RPN2: variants seen among roughly 807,000 people sequenced by gnomAD.
RPN2 encodes dolichyl-diphosphooligosaccharide--protein glycosyltransferase subunit 2.
Under a neutral mutation model 71.4 loss-of-function variants are expected in RPN2, and 29 were observed. The observed-to-expected ratio is 0.41, with a 90% CI of 0.30 to 0.55. The LOEUF (loss-of-function observed/expected upper bound fraction) is 0.55, where lower values mean the gene tolerates loss of function less well. Ranked by LOEUF, RPN2 falls within the 20% of genes least tolerant of loss-of-function variation. RPN2 has a pLI of 0.35. For missense variants in RPN2, 726 were observed against 774.1 expected (o/e 0.94, Z 0.74); for synonymous variants, 308 against 305.0 (o/e 1.01, Z -0.10).
chr20:37,194,570 G>A (rs2099229989), intron 2 of RPN2, among the ~76,000 whole-genome samples: 1 of 152,238 alleles, frequency 6.6e-6, no homozygotes, highest in African/African-American at 2.4e-5. Context: ...CCAGGAAGTT[G>A]TATTTTAAAA....
intron 14 of RPN2, 91 bp downstream of exon 14, chr20:37,232,482 C>A: frequency 6.8e-7 from 1 of 1,475,824 alleles, no homozygotes; most frequent in Non-Finnish European, 9.4e-7. Context: ...TGTCTGGCCT[C>A]AGTAAAGCTC....
chr20:37,224,693 C>T (rs16986485), intron 10 of RPN2, among the ~76,000 whole-genome samples: 8,220 of 152,158 alleles, frequency 0.054, 719 homozygotes, highest in African/African-American at 0.19. Context: ...ATTGGCTCAG[C>T]GGGGATCTAG....
intron 9 of RPN2, among the ~76,000 whole-genome samples, chr20:37,221,660 G>A (rs372061426): frequency 2.6e-5 from 4 of 152,322 alleles, no homozygotes; most frequent in East Asian, 1.9e-4. Context: ...TAGAGAAATA[G>A]GGAATTACCT....
intron 2 of RPN2, among the ~76,000 whole-genome samples, chr20:37,186,525 G>A (rs1306182587): frequency 6.6e-6 from 1 of 152,098 alleles, no homozygotes; most frequent in African/African-American, 2.4e-5. Context: ...TGTTGCCTAG[G>A]CTGGTGTCAT....
intron 15 of RPN2, among the ~76,000 whole-genome samples, chr20:37,234,685 GTTT>G (rs113523661): frequency 6.9e-6 from 1 of 145,792 alleles, no homozygotes. Context: ...TTTGTTCGTT[GTTT>G]TTTTTTTTTT....
intron 1 of RPN2, among the ~76,000 whole-genome samples, chr20:37,181,100 G>T (rs1266500483): frequency 6.6e-6 from 1 of 152,002 alleles, no homozygotes; most frequent in South Asian, 2.1e-4. Flanking sequence ...ATGGTGGCAC[G>T]TGCCTGTAGT....
rs1287345314 is a variant in RPN2, at chr20:37,203,946, G to A, written c.541G>A (p.Val181Met). The part of the protein sequence containing the change: ...LSQQADLRSI[V>M]EEIEDLVARL... The stretch of plus-strand genomic sequence containing the variant: ...CCAGCAGGCTGACCTGAGGAGCATC[G>A]TGGAGGAGATTGAGGTGTGAATCTT... The change falls in exon 5 of 17, where the codon GTG becomes ATG. Residue 181 changes from valine to methionine, a missense_variant. By Grantham distance (21) the Val-to-Met change is conservative. Coordinates refer to ENST00000237530, the MANE Select transcript of RPN2 (RefSeq NM_002951.5). 9 of 1,613,288 alleles carry A rather than the reference G, an allele frequency of 5.6e-6. No individual in the cohort carries two copies. Among genetic ancestry groups the A allele is most frequent in the African/African-American group, 2.7e-5 (2 of 74,920 alleles).
At chr20:37,197,264 GT>G (rs2067275513) in intron 2 of RPN2, among the ~76,000 whole-genome samples, 1 of 152,178 alleles carries the variant, frequency 6.6e-6, no homozygotes, top group African/African-American at 2.4e-5. Flanking sequence ...CCACTGAAGG[GT>G]TTTAAAGGTA....
At chr20:37,200,936 C>T (rs959050350) in intron 4 of RPN2, among the ~76,000 whole-genome samples, 4 of 152,138 alleles carry the variant, frequency 2.6e-5, no homozygotes, top group African/African-American at 4.8e-5. Context: ...AACCCCAGAA[C>T]CCCAGGAAGA....
intron 9 of RPN2, among the ~76,000 whole-genome samples, chr20:37,218,545 T>TA (rs71187921): frequency 0.75 from 110,384 of 147,482 alleles, 41,373 homozygotes; most frequent in Middle Eastern, 0.85. Flanking sequence ...CCGTCTCTGC[T>TA]AAAAAAAAAA....
chr20:37,191,350 C>T (rs1019878594), intron 2 of RPN2, among the ~76,000 whole-genome samples: 1 of 150,936 alleles, frequency 6.6e-6, no homozygotes, highest in African/African-American at 2.4e-5. Flanking sequence ...GGTGGGCATG[C>T]CTGTAATCCC....
chr20:37,239,800 T>C (rs1310215282), intron 16 of RPN2, among the ~76,000 whole-genome samples: 1 of 152,134 alleles, frequency 6.6e-6, no homozygotes, highest in Non-Finnish European at 1.5e-5. Context: ...ACTCCCTGGC[T>C]ATGCCCGTTT....
intron 16 of RPN2, among the ~76,000 whole-genome samples, chr20:37,240,127 T>G (rs2068514423): frequency 6.6e-6 from 1 of 152,204 alleles, no homozygotes; most frequent in Non-Finnish European, 1.5e-5. Context: ...GGAAAGTCAC[T>G]TGATCATTTG....
chr20:37,197,106 C>T (rs1448969932), intron 2 of RPN2, among the ~76,000 whole-genome samples: 8 of 151,990 alleles, frequency 5.3e-5, no homozygotes, highest in South Asian at 2.1e-4. Flanking sequence ...ATGGCGAGAG[C>T]GTGGTATAGC....
chr20:37,236,888 G>T (rs1471501162), intron 16 of RPN2, among the ~76,000 whole-genome samples, 179 bp downstream of exon 16: 1 of 152,188 alleles, frequency 6.6e-6, no homozygotes, highest in Admixed American at 6.5e-5. Context: ...AGCCTTAGTG[G>T]TCAGCTTTGA....
chr20:37,220,539 C>A (rs1011454629), intron 9 of RPN2, among the ~76,000 whole-genome samples: 1 of 152,032 alleles, frequency 6.6e-6, no homozygotes, highest in African/African-American at 2.4e-5. Context: ...CATTTCCTGG[C>A]GTTAAAACAT....
At chr20:37,194,254 A>G (rs949131800) in intron 2 of RPN2, among the ~76,000 whole-genome samples, 1 of 72,426 alleles carries the variant, frequency 1.4e-5, no homozygotes, top group Non-Finnish European at 3.3e-5. Context: ...GGTTGAGGGA[A>G]ATTGTTGTTG....
chr20:37,223,635 CT>C (rs11482722), intron 9 of RPN2, among the ~76,000 whole-genome samples: 161 of 142,700 alleles, frequency 1.1e-3, no homozygotes, highest in Admixed American at 1.4e-3. Flanking sequence ...TTTTCTTCTT[CT>C]TTTTTTTTTT....
chr20:37,205,550 A>G (rs185414731), intron 6 of RPN2, among the ~76,000 whole-genome samples: 29 of 152,260 alleles, frequency 1.9e-4, no homozygotes, highest in Non-Finnish European at 3.2e-4. Flanking sequence ...TTTTATTTAA[A>G]TTTTAGGAGG....
Sources: allele counts gnomAD v4.1 joint callset (sites outside exome capture counted in the v4.1 genomes callset), GRCh38; gene constraint gnomAD v4.1.1; transcripts MANE v1.5; gene names NCBI Gene and HGNC (gene_info 2026-07-23, HGNC 2026-07-21).